The following KDM6B variants were observed in gnomAD, a reference collection of about 807,000 sequenced individuals.
KDM6B encodes lysine demethylase 6B, also known as lysine-specific demethylase 6B.
In KDM6B, 22 loss-of-function variants were observed where a neutral mutation model predicts 150.4. The ratio of observed to expected loss-of-function variants is 0.15; its 90% confidence interval spans 0.10 to 0.21. The LOEUF (loss-of-function observed/expected upper bound fraction) is 0.21, where lower values mean the gene tolerates loss of function less well. Among genes scored for constraint, KDM6B ranks in the 10% least tolerant of loss-of-function variants. The pLI is 1.00. For missense variants in KDM6B, 1,984 were observed against 2,234.3 expected (o/e 0.89, Z 2.26); for synonymous variants, 1,148 against 921.1 (o/e 1.25, Z -4.46).
chr17:7,846,357 C>A, intron 7 of KDM6B, 43 bp from the exon 8 acceptor site: 1 of 1,564,594 alleles, frequency 6.4e-7, no homozygotes, highest in Non-Finnish European at 8.7e-7. Context: ...GGCTCAGTGC[C>A]CCACCTGACA....
At position 7,851,704 on chromosome 17, in the gene KDM6B, C is replaced by T; in HGVS notation, c.4073C>T (p.Ser1358Phe). 1 of 1,566,092 alleles carries T rather than the reference C, an allele frequency of 6.4e-7. No homozygotes were observed. Among genetic ancestry groups the T allele is most frequent in the Non-Finnish European group, 8.7e-7 (1 of 1,155,888 alleles). ...LKLPAFMRVT[S>F]TGNMLSHVGH... The stretch of plus-strand genomic sequence containing the variant: ...CTGCCCGCCTTCATGCGGGTAACAT[C>T]CACGGGCAACATGCTGAGCCACGTG... The change falls in exon 18 of 24, where the codon TCC (serine) becomes TTC (phenylalanine). Residue 1358 changes from serine to phenylalanine, a missense_variant. Physicochemically the swap from Ser to Phe is radical, Grantham distance 155. Transcript: ENST00000448097.
chr17:7,853,605 C>T lies in KDM6B; in HGVS notation c.*84C>T, dbSNP rs1166241535. 1 of 1,112,968 alleles carries T rather than the reference C, an allele frequency of 9.0e-7. No homozygotes were observed. The highest frequency in any genetic ancestry group is 1.7e-5 in the African/African-American group (1 of 60,110). 68.9% of individuals were successfully genotyped at this position (1,112,968 alleles called of 1,614,324 possible). ...TGCCTGGGCTGGACCTAGGTCCCGC[C>T]TGTGGCCGAGAAGGGGGTCGGGCCC... is the stretch of plus-strand genomic sequence containing the variant. On this transcript the variant is annotated 3_prime_UTR_variant, in exon 24 of 24. Coordinates refer to ENST00000448097, the MANE Select transcript of KDM6B (RefSeq NM_001348716.2).
intron 1 of KDM6B, among the ~76,000 whole-genome samples, chr17:7,836,547 G>A (rs1351120339): frequency 6.6e-6 from 1 of 152,166 alleles, no homozygotes. Flanking sequence ...CCGCCTGCCG[G>A]CCCCCACCGA....
rs2151379693 is a variant in KDM6B at position 7,852,153 on chromosome 17, G to C, written c.4285G>C (p.Gly1429Arg). 1 of 1,614,070 alleles carries C rather than the reference G, an allele frequency of 6.2e-7. No individual in the cohort carries two copies. The highest frequency in any genetic ancestry group is 8.5e-7 in the Non-Finnish European group (1 of 1,180,036). ...TGACCTGTGGCCACCCCGCAGGCAC[G>C]GCGTGGACTACTTGACGGGTTCCTG... Reference protein sequence around the residue: ...ETISAFCDRHGVDYLTGSWWP... With the variant: ...ETISAFCDRHRVDYLTGSWWP... The change falls in exon 20 of 24, where the codon GGC (glycine) becomes CGC (arginine). Residue 1429 changes from glycine to arginine, a missense_variant. Physicochemically the swap from Gly to Arg is moderately radical, Grantham distance 125. Coordinates refer to ENST00000448097, the MANE Select transcript of KDM6B (RefSeq NM_001348716.2).
Position 7,844,712 on chromosome 17 carries a change from C to T in KDM6B, c.-268-189C>T, listed in dbSNP as rs1416853016. Among the ~76,000 whole-genome samples the T allele has an allele frequency of 6.6e-6, 1 of 152,206 alleles. No homozygotes were observed. On this transcript the variant is annotated intron_variant, in intron 2 of 23. Coordinates refer to ENST00000448097, the MANE Select transcript of KDM6B (RefSeq NM_001348716.2). The surrounding 1 kb of genome is among the most constrained non-coding windows in gnomAD (Gnocchi z 5.9). The stretch of plus-strand genomic sequence containing the variant: ...GCATGCGACTAACCGGCCTCATCCG[C>T]ATGCGTCTTGTCCTGGCTGCCTTCT...
intron 1 of KDM6B, among the ~76,000 whole-genome samples, chr17:7,835,760 C>A (rs1430460977): frequency 6.7e-6 from 1 of 149,768 alleles, no homozygotes. Context: ...CCCCGCCCTG[C>A]GCCGCACGCG....
At position 7,847,129 on chromosome 17, in the gene KDM6B, C is replaced by G. The variant is rs1009735593; in HGVS notation, c.934C>G (p.Pro312Ala). 1 of 1,610,924 alleles carries G rather than the reference C, an allele frequency of 6.2e-7. No individual in the cohort carries two copies. Among genetic ancestry groups the G allele is most frequent in the African/African-American group, 1.3e-5 (1 of 74,882 alleles). Residue 312 changes from proline (P) to alanine (A), a missense_variant, in exon 11 of 24, where the codon CCA becomes GCA. By Grantham distance (27) the Pro-to-Ala change is conservative. Transcript: ENST00000448097. ...RQEQRHSLPH[P>A]YPYPAPAYTA... is the part of the protein sequence containing the mutation. Reference sequence around the variant, plus strand: ...GGAGCAGCGGCACTCGCTGCCTCACCCATATCCATACCCAGCTCCAGCGTA... The same window carrying G: ...GGAGCAGCGGCACTCGCTGCCTCACGCATATCCATACCCAGCTCCAGCGTA...
rs776827380 is a variant in KDM6B at position 7,850,191 on chromosome 17, G to T, written c.3673+14G>T. 6.2e-7 allele frequency: 1 copy of T among 1,605,412 alleles called. No individual in the cohort carries two copies. Among genetic ancestry groups the T allele is most frequent in the African/African-American group, 1.3e-5 (1 of 74,860 alleles). ...CCCTGCGGCTCAGTGAGTATGGGGGGCAGAAAGTGTTAGGGAGGGCTACAA... is the reference window on the plus strand; with the variant it reads ...CCCTGCGGCTCAGTGAGTATGGGGGTCAGAAAGTGTTAGGGAGGGCTACAA... On this transcript the variant is annotated intron_variant, in intron 14 of 23. Transcript: ENST00000448097.
At chr17:7,850,407 T>C (rs1383140022) in intron 14 of KDM6B, among the ~76,000 whole-genome samples, 1 of 152,228 alleles carries the variant, frequency 6.6e-6, no homozygotes, top group Non-Finnish European at 1.5e-5. Flanking sequence ...TTTTTGGTGA[T>C]TAAGGAAGAG....
chr17:7,849,039 C>G lies in KDM6B; in HGVS notation c.2751C>G (p.Ile917Met), dbSNP rs776744149. Residue 917 changes from isoleucine (I) to methionine (M), a missense_variant, in exon 12 of 24, where the codon ATC becomes ATG. Transcript: ENST00000448097. ...ARSESEVLEE[I>M]SRACETLVER... Reference sequence around the variant, plus strand: ...CTGAGTCTGAGGTGCTAGAAGAGATCAGCCGGGCTTGCGAGACCCTTGTGG... The same window carrying G: ...CTGAGTCTGAGGTGCTAGAAGAGATGAGCCGGGCTTGCGAGACCCTTGTGG... The G allele has an allele frequency of 6.3e-7, 1 of 1,586,614 alleles. No individual in the cohort carries two copies. Among genetic ancestry groups the G allele is most frequent in the Admixed American group, 1.7e-5 (1 of 58,958 alleles).
rs759608139 is a variant in KDM6B at position 7,846,559 on chromosome 17, TTCTC to T, written c.550-16_550-13del. 30 of 1,613,674 alleles carry T rather than the reference TTCTC, an allele frequency of 1.9e-5. No individual in the cohort carries two copies. The highest frequency in any genetic ancestry group is 2.4e-5 in the Non-Finnish European group (28 of 1,179,778). On this transcript the variant is annotated splice_polypyrimidine_tract_variant and intron_variant, in intron 8 of 23. Transcript: ENST00000448097. ...GTGCCTGCACCCGTGCCATTTTCTC[TTCTC>T]TCTTTTTGTTCTCAGCACAAACGGA...
chr17:7,852,654 G>A lies in KDM6B; in HGVS notation c.4610+18G>A. The A allele has an allele frequency of 6.2e-7, 1 of 1,613,944 alleles. No homozygotes were observed. The highest frequency in any genetic ancestry group is 1.3e-5 in the African/African-American group (1 of 75,062). ...ATGATCAAGTGAGGACCCTATTTGG[G>A]TGGGAGCCCACCTCCACTGACTGGT... On this transcript the variant is annotated intron_variant, in intron 21 of 23. Coordinates refer to ENST00000448097, the MANE Select transcript of KDM6B (RefSeq NM_001348716.2).
At chr17:7,835,751 C>T (rs888897351) in intron 1 of KDM6B, among the ~76,000 whole-genome samples, 7 of 151,888 alleles carry the variant, frequency 4.6e-5, no homozygotes, top group Admixed American at 1.3e-4. Context: ...GCGCCCACCC[C>T]CCGCCCTGCG....
At position 7,846,824 on chromosome 17, in the gene KDM6B, C is replaced by G; in HGVS notation, c.717C>G (p.Gly239=). 1.2e-6 allele frequency: 2 copies of G among 1,612,892 alleles called. No homozygotes were observed. Among genetic ancestry groups the G allele is most frequent in the Non-Finnish European group, 1.7e-6 (2 of 1,179,822 alleles). The part of the protein sequence containing the change: ...RRRGCNSEQT[G]LPPGLPLPPP... ...CACACTCTCTTCTCTCCTAGACTGG[C>G]CTTCCCCCAGGGCTGCCACTGCCTC... The change falls in exon 10 of 24, where the codon GGC becomes GGG. Residue 239 remains glycine (G), a synonymous_variant. Transcript: ENST00000448097.
chr17:7,847,509 C>G (rs200719739), intron 11 of KDM6B, 37 bp from the exon 12 acceptor site: 9 of 1,612,588 alleles, frequency 5.6e-6, no homozygotes, highest in African/African-American at 1.3e-5. Context: ...TGAGGCAGCC[C>G]GAGCAATGCT....
Position 7,849,874 on chromosome 17 carries a change from C to A in KDM6B, c.3494C>A (p.Ser1165Tyr). 2 of 1,613,452 alleles carry A rather than the reference C, an allele frequency of 1.2e-6. No homozygotes were observed. Among genetic ancestry groups the A allele is most frequent in the Non-Finnish European group, 1.7e-6 (2 of 1,180,020 alleles). Residue 1165 changes from serine (S) to tyrosine (Y), a missense_variant, in exon 13 of 24, where the codon TCT becomes TAT. Physicochemically the swap from Ser to Tyr is moderately radical, Grantham distance 144 (BLOSUM62 -2). Transcript: ENST00000448097. ...GAGTCCTACCTTTCCCCTGCCCAGTCTGTGAAACCGAAGATCAACACTGAG... is the reference window on the plus strand; with the variant it reads ...GAGTCCTACCTTTCCCCTGCCCAGTATGTGAAACCGAAGATCAACACTGAG... ...FRESYLSPAQSVKPKINTEEK... is the reference protein window; with the variant it reads ...FRESYLSPAQYVKPKINTEEK...
In KDM6B at chr17:7,847,178, G is replaced by A. The variant is rs899066539; in HGVS notation, c.983G>A (p.Arg328Gln). ...PAYTAHPPGH[R>Q]LVPAAPPGPG... The stretch of plus-strand genomic sequence containing the variant: ...TACACCGCGCACCCCCCTGGCCACC[G>A]GCTGGTCCCGGCTGCTCCCCCAGGC... Residue 328 changes from arginine to glutamine, a missense_variant, in exon 11 of 24, where the codon CGG becomes CAG. By Grantham distance (43) the Arg-to-Gln change is conservative (BLOSUM62 1). Coordinates refer to ENST00000448097, the MANE Select transcript of KDM6B (RefSeq NM_001348716.2). The A allele has an allele frequency of 8.1e-6, 13 of 1,598,534 alleles. No individual in the cohort carries two copies. The African/African-American group carries it at 1.4e-4, about 17-fold the overall frequency.
intron 2 of KDM6B, among the ~76,000 whole-genome samples, chr17:7,842,385 G>T (rs1349537200): frequency 6.6e-6 from 1 of 152,188 alleles, no homozygotes; most frequent in Non-Finnish European, 1.5e-5. Context: ...GTCGGGTCGG[G>T]AGAGGCTGGA....
In KDM6B at chr17:7,843,328, A is replaced by C. The variant is rs1317400338; in HGVS notation, c.-268-1573A>C. ...ATACTTGACCACAGTTCAGCGCCGT[A>C]CCTGGCTTGGTTACTGATGGAAAGG... On this transcript the variant is annotated intron_variant, in intron 2 of 23. Transcript: ENST00000448097. This position sits in a 1 kb window ranked among gnomAD's most constrained non-coding sequence, Gnocchi z 4.5. 1.3e-5 allele frequency among the ~76,000 whole-genome samples: 2 copies of C among 152,082 alleles called. No homozygotes were observed. Among genetic ancestry groups the C allele is most frequent in the African/African-American group, 4.8e-5 (2 of 41,410 alleles).
Sources: gnomAD v4.1 joint callset for allele counts (sites outside exome capture counted in the v4.1 genomes callset) on GRCh38, gnomAD v4.1.1 for gene constraint, Gnocchi (gnomAD v3.1) non-coding constraint, MANE v1.5 for transcripts, NCBI Gene and HGNC (gene_info 2026-07-23, HGNC 2026-07-21) for gene names.